BRSK2: variants seen among roughly 807,000 people sequenced by gnomAD.
The protein encoded by BRSK2 is BR serine/threonine kinase 2, also known as serine/threonine-protein kinase BRSK2.
In BRSK2, 19 loss-of-function variants were observed where a neutral mutation model predicts 83.3. The observed-to-expected ratio is 0.23, with a 90% CI of 0.16 to 0.33. The LOEUF (loss-of-function observed/expected upper bound fraction) is 0.33. Ranked by LOEUF, BRSK2 falls within the 10% of genes least tolerant of loss-of-function variation. The probability of loss-of-function intolerance (pLI) is 1.00; values close to 1 mark genes in which losing one functional copy is unlikely to be tolerated. For missense variants in BRSK2, 798 were observed against 1,042.3 expected, an observed-to-expected ratio of 0.77 and a Z score of 3.23; for synonymous variants, 519 against 435.4, an observed-to-expected ratio of 1.19 and a Z score of -2.39.
intron 1 of BRSK2, among the ~76,000 whole-genome samples, chr11:1,404,086 G>A (rs1452744877): frequency 6.6e-6 from 1 of 152,226 alleles, no homozygotes; most frequent in African/African-American, 2.4e-5. Context: ...CTGGGTGAAA[G>A]CTTCCAGAGC....
rs947630334 is a variant in BRSK2, at chr11:1,451,529, C to G, written c.1544+110C>G. The stretch of plus-strand genomic sequence containing the variant: ...CGGGGTGCTCCTTCTCCACGTGGCC[C>G]CACCTCCCACTGCAGGCAGGCCCGT... On this transcript the variant is annotated intron_variant, in intron 15 of 19. Transcript: ENST00000528841. 4 of 1,130,464 alleles carry G rather than the reference C, an allele frequency of 3.5e-6. No individual in the cohort carries two copies. In the African/African-American group the frequency reaches 6.1e-5, roughly 17 times the overall value. 70.0% of individuals were successfully genotyped at this position (1,130,464 alleles called of 1,614,324 possible). A position where few individuals can be genotyped will look rare whatever the true frequency, so the allele number is the denominator to read the frequency against.
At chr11:1,457,704 T>A (rs59321054) in intron 18 of BRSK2, among the ~76,000 whole-genome samples, 21,167 of 152,046 alleles carry the variant, frequency 0.14, 2,068 homozygotes, top group East Asian at 0.28. Context: ...TAGGGTCACC[T>A]CCTGTGTTTC....
intron 1 of BRSK2, among the ~76,000 whole-genome samples, chr11:1,408,777 G>A (rs200164715): frequency 5.0e-5 from 3 of 60,272 alleles, no homozygotes; most frequent in African/African-American, 1.0e-4. Flanking sequence ...GTGTGTGTGT[G>A]TTTGGCTGTG....
chr11:1,439,516 A>G (rs1590547933), intron 3 of BRSK2, among the ~76,000 whole-genome samples: 1 of 86,834 alleles, frequency 1.2e-5, no homozygotes. Flanking sequence ...GGTCCTGGGG[A>G]GGCCTTCTCG....
chr11:1,453,575 G>T (rs1164608426), intron 15 of BRSK2, among the ~76,000 whole-genome samples: 1 of 152,230 alleles, frequency 6.6e-6, no homozygotes, highest in Non-Finnish European at 1.5e-5. Flanking sequence ...GCGTCGAGGG[G>T]CTGAGTGAGG....
intron 19 of BRSK2, among the ~76,000 whole-genome samples, chr11:1,459,948 T>G (rs1362308122): frequency 6.6e-6 from 1 of 152,170 alleles, no homozygotes; most frequent in African/African-American, 2.4e-5. Context: ...ACCCTCTCCC[T>G]GTCATCCACT....
intron 1 of BRSK2, among the ~76,000 whole-genome samples, chr11:1,434,224 A>G (rs756731999): frequency 2.6e-4 from 40 of 152,214 alleles, no homozygotes; most frequent in Non-Finnish European, 5.4e-4. Context: ...AGTCTGGGTG[A>G]AATTTGAGCA....
rs749591446 is a variant in BRSK2 at position 1,456,706 on chromosome 11, C to T, written c.1939+19C>T. On this transcript the variant is annotated intron_variant, in intron 18 of 19. Coordinates refer to ENST00000528841, the MANE Select transcript of BRSK2 (RefSeq NM_001256627.2). ...TTGTCAGGTGAGGCGGGCTCAGCTC[C>T]GGCCAACCTGCGGCCTGCGAGTGGG... 310 of 1,575,146 alleles carry T rather than the reference C, an allele frequency of 2.0e-4. 1 individual carries two copies. The highest frequency in any genetic ancestry group is 9.2e-4 in the East Asian group (40 of 43,290).
chr11:1,459,562 G>C, intron 19 of BRSK2: 1 of 390,768 alleles, frequency 2.6e-6, no homozygotes, highest in Non-Finnish European at 4.8e-6. Flanking sequence ...TGGCCTAGGG[G>C]AGGGGCCGGT....
In BRSK2 at chr11:1,445,921, G is replaced by A. The variant is rs767463073; in HGVS notation, c.1226+14G>A. The A allele has an allele frequency of 6.3e-6, 10 of 1,594,160 alleles. No individual in the cohort carries two copies. The highest frequency in any genetic ancestry group is 4.5e-5 in the East Asian group (2 of 44,462). On this transcript the variant is annotated intron_variant, in intron 12 of 19. Transcript: ENST00000528841. ...GCACGGCCAGAGGTGTGTGTGCCCCGAGGCTGCTGGGCCTCCCTCCCTGGG... is the reference window on the plus strand; with the variant it reads ...GCACGGCCAGAGGTGTGTGTGCCCCAAGGCTGCTGGGCCTCCCTCCCTGGG...
chr11:1,411,727 C>G (rs1847526781), intron 1 of BRSK2: 14 of 1,490,974 alleles, frequency 9.4e-6, no homozygotes, highest in Non-Finnish European at 1.2e-5. Flanking sequence ...GACGGGGGAC[C>G]TCGCCAGCAC....
chr11:1,427,976 G>A (rs1350706282), intron 1 of BRSK2, among the ~76,000 whole-genome samples: 2 of 152,212 alleles, frequency 1.3e-5, no homozygotes, highest in African/African-American at 4.8e-5. Context: ...TGCTGCCTAG[G>A]ACCCCAGGGA....
intron 1 of BRSK2, among the ~76,000 whole-genome samples, chr11:1,395,050 A>G (rs898753780): frequency 6.6e-5 from 10 of 152,150 alleles, no homozygotes; most frequent in Non-Finnish European, 1.3e-4. Context: ...ATGGGTAGAC[A>G]GGACCCGGCA....
intron 18 of BRSK2, chr11:1,457,011 G>A (rs1180598604): frequency 1.3e-6 from 2 of 1,596,078 alleles, no homozygotes; most frequent in African/African-American, 1.3e-5. Context: ...GGGCCAGAAG[G>A]TGGCCACCAG....
intron 4 of BRSK2, among the ~76,000 whole-genome samples, chr11:1,442,110 C>T (rs1391462502): frequency 6.6e-6 from 1 of 150,876 alleles, no homozygotes; most frequent in African/African-American, 2.4e-5. Context: ...AGTTTTCTGC[C>T]TGGCACCCAC....
At chr11:1,400,006 T>C (rs1846368547) in intron 1 of BRSK2, among the ~76,000 whole-genome samples, 1 of 152,238 alleles carries the variant, frequency 6.6e-6, no homozygotes, top group Non-Finnish European at 1.5e-5. Context: ...CCACCATTTA[T>C]TGTAAACATT....
intron 1 of BRSK2, chr11:1,410,432 C>G: frequency 1.0e-6 from 1 of 984,866 alleles, no homozygotes. Context: ...GTGACAGTTG[C>G]AGAGTCCGTG....
At chr11:1,398,757 G>A (rs1044536029) in intron 1 of BRSK2, among the ~76,000 whole-genome samples, 6 of 152,210 alleles carry the variant, frequency 3.9e-5, no homozygotes, top group African/African-American at 1.2e-4. Context: ...AGGCCCTGCC[G>A]GTGTGGCTTC....
At chr11:1,456,210 T>C in intron 16 of BRSK2, 138 bp from the exon 17 acceptor site, 1 of 902,344 alleles carries the variant, frequency 1.1e-6, no homozygotes, top group East Asian at 2.8e-5. Context: ...AACCGCACTG[T>C]GCCCCTCACG....
Sources: allele counts gnomAD v4.1 joint callset (sites outside exome capture counted in the v4.1 genomes callset), GRCh38; gene constraint gnomAD v4.1.1; transcripts MANE v1.5; gene names NCBI Gene and HGNC (gene_info 2026-07-23, HGNC 2026-07-21).